Variants in NKAIN3 observed in about 807,000 individuals in gnomAD.
The protein encoded by NKAIN3 is sodium/potassium transporting ATPase interacting 3.
Under a neutral mutation model 30.2 loss-of-function variants are expected in NKAIN3, and 25 were observed. The observed-to-expected ratio is 0.83, with a 90% CI of 0.60 to 1.16. The LOEUF (loss-of-function observed/expected upper bound fraction) is 1.16. NKAIN3 is among the 50% of genes most tolerant of loss of function. The pLI is 0.00. For synonymous variants in NKAIN3, 91 were observed against 89.6 expected, an observed-to-expected ratio of 1.02 and a Z score of -0.09; for missense variants, 225 against 254.1, an observed-to-expected ratio of 0.89 and a Z score of 0.78.
intron 4 of NKAIN3, among the ~76,000 whole-genome samples, chr8:62,758,282 CA>C (rs879482343): frequency 2.0e-5 from 3 of 151,956 alleles, no homozygotes; most frequent in South Asian, 2.1e-4. Context: ...GACCCTAGAC[CA>C]AAAAACAGAC....
chr8:62,377,394 T>A (rs1425226102), intron 1 of NKAIN3, among the ~76,000 whole-genome samples: 1 of 152,212 alleles, frequency 6.6e-6, no homozygotes, highest in Non-Finnish European at 1.5e-5. Flanking sequence ...TTCTTTTAAA[T>A]GGTTTGATTC....
At chr8:62,657,330 AAT>A (rs1193510290) in intron 3 of NKAIN3, among the ~76,000 whole-genome samples, 8 of 152,202 alleles carry the variant, frequency 5.3e-5, no homozygotes. Context: ...CTGGTTGGTC[AAT>A]ACTCTATGTT....
chr8:62,672,514 T>C (rs548141413), intron 3 of NKAIN3, among the ~76,000 whole-genome samples: 64 of 152,224 alleles, frequency 4.2e-4, no homozygotes, highest in Non-Finnish European at 9.0e-4. Flanking sequence ...GAAGGATGTT[T>C]ACTATACTTG....
intron 4 of NKAIN3, among the ~76,000 whole-genome samples, chr8:62,803,064 C>T (rs970622795): frequency 1.3e-5 from 2 of 152,194 alleles, no homozygotes; most frequent in Admixed American, 6.5e-5. Context: ...GAAGAGCTAA[C>T]TATCCTAAAT....
chr8:62,930,980 T>C (rs1225402506), intron 5 of NKAIN3, among the ~76,000 whole-genome samples: 1 of 152,244 alleles, frequency 6.6e-6, no homozygotes, highest in African/African-American at 2.4e-5. Context: ...GTGCTGGGAT[T>C]ACAGGCGTAA....
chr8:62,703,056 G>A (rs991927596), intron 3 of NKAIN3, among the ~76,000 whole-genome samples: 7 of 152,114 alleles, frequency 4.6e-5, no homozygotes, highest in African/African-American at 1.7e-4. Context: ...GTGGGAATGA[G>A]CACTATTAGA....
At chr8:62,840,877 G>A (rs187238185) in intron 4 of NKAIN3, among the ~76,000 whole-genome samples, 3 of 152,242 alleles carry the variant, frequency 2.0e-5, no homozygotes, top group African/African-American at 7.2e-5. Flanking sequence ...GGTATGAACA[G>A]CAGTGCATCA....
rs1813687597 is a variant in NKAIN3 at position 62,682,947 on chromosome 8, C to T, written c.274-63985C>T. On this transcript the variant is annotated intron_variant, in intron 3 of 6. Coordinates refer to ENST00000623646, the MANE Select transcript of NKAIN3 (RefSeq NM_001304533.3). The stretch of plus-strand genomic sequence containing the variant: ...CATATTTTCTTGGAAGTTCTAGGGC[C>T]CTGCTCAGCACCTGATCCAATTTAT... 3.3e-5 allele frequency among the ~76,000 whole-genome samples: 5 copies of T among 152,214 alleles called. No individual in the cohort carries two copies. In the South Asian group the frequency reaches 1.0e-3, roughly 32 times the overall value.
At chr8:62,463,719 T>C (rs1806067995) in intron 1 of NKAIN3, among the ~76,000 whole-genome samples, 1 of 152,218 alleles carries the variant, frequency 6.6e-6, no homozygotes, top group African/African-American at 2.4e-5. Context: ...AGTGGCTACC[T>C]GAAACTGTAT....
At chr8:62,256,257 A>C (rs890674219) in intron 1 of NKAIN3, among the ~76,000 whole-genome samples, 1 of 152,004 alleles carries the variant, frequency 6.6e-6, no homozygotes, top group Admixed American at 6.6e-5. Flanking sequence ...TATAAAAAAA[A>C]AATTTAAAAA....
intron 3 of NKAIN3, among the ~76,000 whole-genome samples, chr8:62,731,789 G>C (rs540105917): frequency 2.4e-4 from 37 of 152,284 alleles, no homozygotes; most frequent in African/African-American, 8.4e-4. Flanking sequence ...CAGACTACCT[G>C]AGATCAGATC....
intron 4 of NKAIN3, among the ~76,000 whole-genome samples, chr8:62,783,393 A>G (rs1346250745): frequency 6.6e-6 from 1 of 152,058 alleles, no homozygotes; most frequent in Non-Finnish European, 1.5e-5. Flanking sequence ...TGGCACTCTG[A>G]TTTTAGACTT....
chr8:62,809,065 AT>A (rs1818398893), intron 4 of NKAIN3, among the ~76,000 whole-genome samples: 3 of 152,114 alleles, frequency 2.0e-5, no homozygotes, highest in South Asian at 2.1e-4. Context: ...GAATTCAGTG[AT>A]ATTTCTCCTA....
intron 1 of NKAIN3, among the ~76,000 whole-genome samples, chr8:62,532,054 T>G (rs1292088942): frequency 6.6e-6 from 1 of 152,196 alleles, no homozygotes; most frequent in East Asian, 1.9e-4. Flanking sequence ...AACAGATGCA[T>G]TCTTTTGACT....
At chr8:62,454,009 A>G (rs905430668) in intron 1 of NKAIN3, among the ~76,000 whole-genome samples, 2 of 152,046 alleles carry the variant, frequency 1.3e-5, no homozygotes, top group African/African-American at 4.8e-5. Flanking sequence ...CTAAAACTTG[A>G]TTATAAACAT....
At chr8:62,338,950 C>G (rs1815652922) in intron 1 of NKAIN3, among the ~76,000 whole-genome samples, 2 of 151,984 alleles carry the variant, frequency 1.3e-5, no homozygotes, top group African/African-American at 4.8e-5. Flanking sequence ...AGGATCAATC[C>G]TTTGCATCCT....
intron 5 of NKAIN3, among the ~76,000 whole-genome samples, chr8:62,994,727 C>A (rs1332663508): frequency 3.3e-5 from 5 of 152,138 alleles, no homozygotes; most frequent in Non-Finnish European, 7.3e-5. Context: ...AGAAATGTAA[C>A]CTACATTTCC....
At chr8:62,407,466 C>G in intron 1 of NKAIN3, among the ~76,000 whole-genome samples, 1 of 131,022 alleles carries the variant, frequency 7.6e-6, no homozygotes. Context: ...GGCATGATGT[C>G]CGCTCACTGC....
chr8:62,902,931 C>T (rs961331399), intron 4 of NKAIN3, among the ~76,000 whole-genome samples: 3 of 152,176 alleles, frequency 2.0e-5, no homozygotes, highest in African/African-American at 7.2e-5. Flanking sequence ...GAACAAGGTT[C>T]TTTGTGAGTC....
Sources: allele counts gnomAD v4.1 joint callset (sites outside exome capture counted in the v4.1 genomes callset), GRCh38; gene constraint gnomAD v4.1.1; transcripts MANE v1.5; gene names NCBI Gene and HGNC (gene_info 2026-07-23, HGNC 2026-07-21).